Variants in RPTOR observed in about 807,000 individuals in gnomAD.
The protein encoded by RPTOR is regulatory-associated protein of mTOR.
Under a neutral mutation model 169.9 loss-of-function variants are expected in RPTOR, and 21 were observed. That is an observed-to-expected ratio of 0.12 (90% CI 0.09 to 0.18). The LOEUF (loss-of-function observed/expected upper bound fraction) is 0.18. Among genes scored for constraint, RPTOR ranks in the 10% least tolerant of loss-of-function variants. The pLI, the probability that RPTOR is intolerant of heterozygous loss-of-function variation, is 1.00. For missense variants in RPTOR, 1,133 were observed against 1,855.9 expected (o/e 0.61, Z 7.16); for synonymous variants, 732 against 753.2 (o/e 0.97, Z 0.46).
chr17:80,708,021 C>T lies in RPTOR; in HGVS notation c.507+22C>T. On this transcript the variant is annotated intron_variant, in intron 4 of 33. Coordinates refer to ENST00000306801, the MANE Select transcript of RPTOR (RefSeq NM_020761.3). This position sits in a 1 kb window ranked among gnomAD's most constrained non-coding sequence, Gnocchi z 4.2. ...CAAGGTGGGTGTGCCTTCCAGCTTC[C>T]TTCCCGTTTCTGCCAAAAGCCATGC... The T allele has an allele frequency of 6.2e-7, 1 of 1,604,148 alleles. No homozygotes were observed. Among genetic ancestry groups the T allele is most frequent in the South Asian group, 1.1e-5 (1 of 89,906 alleles).
In RPTOR at chr17:80,963,419, G is replaced by A. The variant is rs1168372558; in HGVS notation, c.3939+362G>A. Among the ~76,000 whole-genome samples the A allele has an allele frequency of 7.8e-3, 927 of 118,230 alleles. 10 individuals carry two copies. The highest frequency in any genetic ancestry group is 0.028 in the African/African-American group (863 of 30,508). The allele number at this position is 118,230 out of a possible 152,430, so 77.6% of individuals were successfully genotyped here. ...CCGTCCCCTGTGCGGCCCTCACCCC[G>A]TCCCCTCTGCGGCCCTCACCCCGTC... On this transcript the variant is annotated intron_variant, in intron 33 of 33. Coordinates refer to ENST00000306801, the MANE Select transcript of RPTOR (RefSeq NM_020761.3).
intron 1 of RPTOR, among the ~76,000 whole-genome samples, chr17:80,597,885 A>G (rs942606521): frequency 1.3e-5 from 2 of 151,964 alleles, no homozygotes; most frequent in African/African-American, 4.8e-5. Context: ...CACACCTGCA[A>G]TCCCAGCACT....
intron 9 of RPTOR, among the ~76,000 whole-genome samples, chr17:80,833,709 G>T (rs1043853711): frequency 6.6e-6 from 1 of 152,216 alleles, no homozygotes. Context: ...TGCCGTGCAG[G>T]CCGGGTGCAA....
intron 9 of RPTOR, 74 bp from the exon 10 acceptor site, chr17:80,837,848 C>T: frequency 7.1e-7 from 1 of 1,406,046 alleles, no homozygotes; most frequent in South Asian, 1.2e-5. Context: ...CCGGCTCCTC[C>T]TGTGCCCTGT....
chr17:80,550,798 G>C (rs562109125), intron 1 of RPTOR, among the ~76,000 whole-genome samples: 1 of 152,178 alleles, frequency 6.6e-6, no homozygotes, highest in East Asian at 1.9e-4. Context: ...GGCAGCCACC[G>C]TCTCTTGTCT....
intron 6 of RPTOR, among the ~76,000 whole-genome samples, chr17:80,777,140 G>C (rs1172474310): frequency 6.6e-6 from 1 of 152,064 alleles, no homozygotes; most frequent in African/African-American, 2.4e-5. Flanking sequence ...GGGAGGCTGA[G>C]GCAGGAGAAT....
At chr17:80,737,701 T>C (rs2066445141) in intron 5 of RPTOR, among the ~76,000 whole-genome samples, 1 of 152,174 alleles carries the variant, frequency 6.6e-6, no homozygotes, top group African/African-American at 2.4e-5. Flanking sequence ...TAAGAACCCA[T>C]ACTTGTGAAG....
At chr17:80,760,364 T>G (rs904325665) in intron 6 of RPTOR, among the ~76,000 whole-genome samples, 1 of 140,472 alleles carries the variant, frequency 7.1e-6, no homozygotes, top group Non-Finnish European at 1.5e-5. Context: ...TGCAGTGGCG[T>G]GATCTCGGCT....
rs559807681 is a variant in RPTOR, at chr17:80,695,062, C to T, written c.349-12779C>T. On this transcript the variant is annotated intron_variant, in intron 3 of 33. Transcript: ENST00000306801. This position sits in a 1 kb window ranked among gnomAD's most constrained non-coding sequence, Gnocchi z 4.9. ...TGCCTGGCTTTGACATGGGCCTGTG[C>T]GGGGCTGGCTGTGTGGCCCCGTGAG... Among the ~76,000 whole-genome samples, 4 of 152,240 alleles carry T rather than the reference C, an allele frequency of 2.6e-5. No individual in the cohort carries two copies. The highest frequency in any genetic ancestry group is 4.1e-4 in the South Asian group (2 of 4,826).
intron 6 of RPTOR, chr17:80,774,149 A>AG (rs1482482128): frequency 5.1e-6 from 5 of 985,356 alleles, no homozygotes; most frequent in Non-Finnish European, 6.0e-6. Context: ...GCGCTGTGAC[A>AG]TCCTGAGAAA....
intron 9 of RPTOR, among the ~76,000 whole-genome samples, chr17:80,830,973 G>A (rs1180277396): frequency 3.3e-5 from 5 of 152,092 alleles, no homozygotes; most frequent in Non-Finnish European, 1.5e-5. Flanking sequence ...TTGAACTCCT[G>A]AGCTCAGACA....
intron 9 of RPTOR, among the ~76,000 whole-genome samples, chr17:80,831,210 C>T (rs762366879): frequency 2.0e-5 from 3 of 152,164 alleles, no homozygotes; most frequent in Non-Finnish European, 4.4e-5. Flanking sequence ...ACGTCCTTCC[C>T]GGGTTTCAGA....
At chr17:80,898,251 A>T (rs576337779) in intron 20 of RPTOR, among the ~76,000 whole-genome samples, 141 of 152,302 alleles carry the variant, frequency 9.3e-4, no homozygotes, top group African/African-American at 3.2e-3. Flanking sequence ...CAGTATTCTC[A>T]TGAGTCTCTA....
At chr17:80,868,532 G>A (rs907141804) in intron 13 of RPTOR, among the ~76,000 whole-genome samples, 4 of 152,208 alleles carry the variant, frequency 2.6e-5, no homozygotes, top group African/African-American at 9.7e-5. Flanking sequence ...TGAGGGCAGT[G>A]CAAAGTGTGC....
At chr17:80,853,562 A>C (rs1443135734) in intron 11 of RPTOR, among the ~76,000 whole-genome samples, 1 of 152,162 alleles carries the variant, frequency 6.6e-6, no homozygotes, top group Non-Finnish European at 1.5e-5. Context: ...CCTGCCCCAT[A>C]AACACCCCTT....
At chr17:80,837,444 T>C (rs2589144) in intron 9 of RPTOR, among the ~76,000 whole-genome samples, 134,158 of 152,152 alleles carry the variant, frequency 0.88, 59,320 homozygotes, top group African/African-American at 0.94. Context: ...CCTGACTGCA[T>C]GCCGACCCCT....
chr17:80,878,268 C>A lies in RPTOR; in HGVS notation c.1510-2147C>A, dbSNP rs1264173470. 6.6e-6 allele frequency among the ~76,000 whole-genome samples: 1 copy of A among 152,214 alleles called. No individual in the cohort carries two copies. The highest frequency in any genetic ancestry group is 2.1e-4 in the South Asian group (1 of 4,834). On this transcript the variant is annotated intron_variant, in intron 13 of 33. Coordinates refer to ENST00000306801, the MANE Select transcript of RPTOR (RefSeq NM_020761.3). The surrounding 1 kb of genome is among the most constrained non-coding windows in gnomAD (Gnocchi z 4.1). ...GTGGGTCCCTCTCCAAGAAACACAGCATCCATGATTTGTACATCGCACTGC... is the reference window on the plus strand; with the variant it reads ...GTGGGTCCCTCTCCAAGAAACACAGAATCCATGATTTGTACATCGCACTGC...
chr17:80,953,848 C>A (rs2069214067), intron 28 of RPTOR, among the ~76,000 whole-genome samples: 2 of 152,220 alleles, frequency 1.3e-5, no homozygotes, highest in African/African-American at 4.8e-5. Flanking sequence ...CCGGCCCTCA[C>A]TGTGCTCACA....
At chr17:80,884,904 G>C in intron 16 of RPTOR, 104 bp from the exon 17 acceptor site, 1 of 1,421,306 alleles carries the variant, frequency 7.0e-7, no homozygotes, top group Non-Finnish European at 9.4e-7. Flanking sequence ...TGTTGAGCAA[G>C]CGCCTGTGGG....
Sources: allele counts gnomAD v4.1 joint callset (sites outside exome capture counted in the v4.1 genomes callset), GRCh38; gene constraint gnomAD v4.1.1; non-coding constraint Gnocchi (gnomAD v3.1); transcripts MANE v1.5; gene names NCBI Gene and HGNC (gene_info 2026-07-23, HGNC 2026-07-21).